Variants in OR13H1 observed in about 807,000 individuals in gnomAD.
The protein encoded by OR13H1 is olfactory receptor family 13 subfamily H member 1, also known as olfactory receptor 13H1.
OR13H1 carries 9 observed loss-of-function variants against 8.5 expected under a neutral mutation model. The observed-to-expected ratio is 1.06, with a 90% CI of 0.64 to 1.85. The LOEUF is 1.85. OR13H1 is among the 40% of genes most tolerant of loss of function. The pLI, the probability that OR13H1 is intolerant of heterozygous loss-of-function variation, is 0.00. For synonymous variants in OR13H1, 89 were observed against 90.6 expected (o/e 0.98, Z 0.10); for missense variants, 229 against 231.8 (o/e 0.99, Z 0.08).
rs1185841055 is a variant in OR13H1, at chrX:131,544,940, T to C, written c.867T>C (p.Tyr289=). 23 of 1,204,835 alleles carry C rather than the reference T, an allele frequency of 1.9e-5. No homozygotes were observed. Among genetic ancestry groups the C allele is most frequent in the South Asian group, 1.8e-5 (1 of 55,356 alleles). The stretch of plus-strand genomic sequence containing the variant: ...CACCCATGTTGAACCCCCTGATATA[T>C]AGCCTGAGAAAAAAAGATGTTAAAC... The part of the protein sequence containing the change: ...ALTPMLNPLI[Y]SLRKKDVKRA... Residue 289 remains tyrosine (Y), a synonymous_variant, in exon 1 of 1, where the codon TAT becomes TAC. Coordinates refer to ENST00000338616, the MANE Select transcript of OR13H1 (RefSeq NM_001004486.1).
rs752270483 is a variant in OR13H1 at position 131,544,268 on chromosome X, C to T, written c.195C>T (p.Asn65=). ...LHTPIYFFLS[N]LSFLDLCYGT... ...CTCCAATCTACTTCTTCCTTAGTAA[C>T]CTGTCTTTCTTAGACCTTTGTTATG... The change falls in exon 1 of 1, where the codon AAC becomes AAT. Residue 65 remains asparagine, a synonymous_variant. Coordinates refer to ENST00000338616, the MANE Select transcript of OR13H1 (RefSeq NM_001004486.1). 1 of 1,209,820 alleles carries T rather than the reference C, an allele frequency of 8.3e-7. No individual in the cohort carries two copies. The highest frequency in any genetic ancestry group is 1.1e-6 in the Non-Finnish European group (1 of 893,553).
Position 131,544,776 on chromosome X carries a change from A to G in OR13H1, c.703A>G (p.Lys235Glu), listed in dbSNP as rs769859253. 1.7e-6 allele frequency: 2 copies of G among 1,209,557 alleles called. No homozygotes were observed. The highest frequency in any genetic ancestry group is 3.5e-5 in the South Asian group (2 of 56,834). The change falls in exon 1 of 1, where the codon AAG (lysine) becomes GAG (glutamate). Residue 235 changes from lysine to glutamate, a missense_variant. Transcript: ENST00000338616. ...IRIRSLQGRLKAFTTCGSHLT... is the reference protein window; with the variant it reads ...IRIRSLQGRLEAFTTCGSHLT... ...GATTCGCTCACTCCAGGGCAGGCTC[A>G]AGGCCTTTACCACATGTGGCTCTCA...
chrX:131,544,375 CGAGT>C lies in OR13H1; in HGVS notation c.304_307del (p.Val103ProfsTer33). ...TCTTATCCCCGATGTTTGGCTCAAA[CGAGT>C]GTCTCCTTGGCTTTGGCCACAGCAG... is the stretch of plus-strand genomic sequence containing the variant. On this transcript the variant is annotated frameshift_variant, in exon 1 of 1. Transcript: ENST00000338616. LOFTEE classifies it high-confidence loss of function. 1.7e-6 allele frequency: 2 copies of C among 1,211,479 alleles called. No individual in the cohort carries two copies. The highest frequency in any genetic ancestry group is 1.1e-6 in the Non-Finnish European group (1 of 895,215).
At position 131,544,975 on chromosome X, in the gene OR13H1, G is replaced by T; in HGVS notation, c.902G>T (p.Arg301Met). 8.3e-7 allele frequency: 1 copy of T among 1,199,316 alleles called. No homozygotes were observed. Among genetic ancestry groups the T allele is most frequent in the East Asian group, 3.0e-5 (1 of 33,769 alleles). The change falls in exon 1 of 1, where the codon AGG (arginine) becomes ATG (methionine). Residue 301 changes from arginine to methionine, a missense_variant. By Grantham distance (91) the Arg-to-Met change is moderately conservative. Coordinates refer to ENST00000338616, the MANE Select transcript of OR13H1 (RefSeq NM_001004486.1). ...LRKKDVKRAIRKVMLKRT is the reference protein window; with the variant it reads ...LRKKDVKRAIMKVMLKRT ...AAAAAAGATGTTAAACGGGCAATAA[G>T]GAAAGTTATGTTGAAAAGGACATGA... is the stretch of plus-strand genomic sequence containing the variant.
rs1215995394 is a variant in OR13H1 at position 131,544,932 on chromosome X, CT to C, written c.860del (p.Leu287ArgfsTer5). ...AGCTTTGACACCCATGTTGAACCCC[CT>C]GATATATAGCCTGAGAAAAAAAGAT... ...YGALTPMLNP[L>X]IYSLRKKDVK... is the part of the protein sequence containing the mutation. On this transcript the variant is annotated frameshift_variant, in exon 1 of 1. Coordinates refer to ENST00000338616, the MANE Select transcript of OR13H1 (RefSeq NM_001004486.1). LOFTEE classifies it high-confidence loss of function. 4.1e-6 allele frequency: 5 copies of C among 1,207,920 alleles called. No homozygotes were observed. The Admixed American group carries it at 6.6e-5, about 16-fold the overall frequency.
In OR13H1 at chrX:131,544,305, A is replaced by G; in HGVS notation, c.232A>G (p.Met78Val). ...AGACCTTTGTTATGGAACAGCTTCC[A>G]TGCCCCAGGCTTTGGTGCATTGTTT... ...FLDLCYGTAS[M>V]PQALVHCFST... Residue 78 changes from methionine (M) to valine (V), a missense_variant, in exon 1 of 1, where the codon ATG becomes GTG. Physicochemically the swap from Met to Val is conservative, Grantham distance 21. Transcript: ENST00000338616. 9.1e-6 allele frequency: 11 copies of G among 1,210,214 alleles called. No individual in the cohort carries two copies. The highest frequency in any genetic ancestry group is 1.2e-5 in the Non-Finnish European group (11 of 894,131).
At position 131,544,586 on chromosome X, in the gene OR13H1, T is replaced by C. The variant is rs755201306; in HGVS notation, c.513T>C (p.Asn171=). Residue 171 remains asparagine (N), a synonymous_variant, in exon 1 of 1, where the codon AAT becomes AAC. Coordinates refer to ENST00000338616, the MANE Select transcript of OR13H1 (RefSeq NM_001004486.1). ...TGAGGCTTCACTTCTGTGGGGCTAA[T>C]GTCATCAACCATTTTGCCTGTGAGA... The part of the protein sequence containing the change: ...LSLRLHFCGA[N]VINHFACEIL... The C allele has an allele frequency of 3.3e-6, 4 of 1,209,308 alleles. No homozygotes were observed. Among genetic ancestry groups the C allele is most frequent in the Non-Finnish European group, 4.5e-6 (4 of 894,782 alleles).
At position 131,544,769 on chromosome X, in the gene OR13H1, C is replaced by T; in HGVS notation, c.696C>T (p.Gly232=). The part of the protein sequence containing the change: ...MAIIRIRSLQ[G]RLKAFTTCGS... Reference sequence around the variant, plus strand: ...TCATAAGGATTCGCTCACTCCAGGGCAGGCTCAAGGCCTTTACCACATGTG... The same window carrying T: ...TCATAAGGATTCGCTCACTCCAGGGTAGGCTCAAGGCCTTTACCACATGTG... Residue 232 remains glycine (G), a synonymous_variant, in exon 1 of 1, where the codon GGC becomes GGT. Transcript: ENST00000338616. 29 of 1,209,621 alleles carry T rather than the reference C, an allele frequency of 2.4e-5. No homozygotes were observed. Among genetic ancestry groups the T allele is most frequent in the Non-Finnish European group, 3.2e-5 (29 of 893,752 alleles).
In OR13H1 at chrX:131,544,701, T is replaced by C. The variant is rs1343643386; in HGVS notation, c.628T>C (p.Phe210Leu). 2 of 1,207,852 alleles carry C rather than the reference T, an allele frequency of 1.7e-6. No individual in the cohort carries two copies. Among genetic ancestry groups the C allele is most frequent in the Admixed American group, 4.4e-5 (2 of 45,676 alleles). Residue 210 changes from phenylalanine to leucine, a missense_variant, in exon 1 of 1, where the codon TTT (phenylalanine) becomes CTT (leucine). By Grantham distance (22) the Phe-to-Leu change is conservative. Transcript: ENST00000338616. ...ITSIFTLLLP[F>L]GFVLLSYIRI... is the part of the protein sequence containing the mutation. Reference sequence around the variant, plus strand: ...CAGTATCTTCACCCTGCTGCTACCATTTGGGTTTGTTCTCCTCTCCTACAT... The same window carrying C: ...CAGTATCTTCACCCTGCTGCTACCACTTGGGTTTGTTCTCCTCTCCTACAT...
chrX:131,544,738 TG>T lies in OR13H1; in HGVS notation c.667del (p.Ala223LeufsTer3), dbSNP rs1569442265. On this transcript the variant is annotated frameshift_variant, in exon 1 of 1. Coordinates refer to ENST00000338616, the MANE Select transcript of OR13H1 (RefSeq NM_001004486.1). LOFTEE classifies it high-confidence loss of function. The part of the protein sequence containing the change: ...FVLLSYIRIA[M>X]AIIRIRSLQG... Reference sequence around the variant, plus strand: ...CTCCTCTCCTACATACGAATTGCTATGGCTATCATAAGGATTCGCTCACTCC... The same window carrying T: ...CTCCTCTCCTACATACGAATTGCTATGCTATCATAAGGATTCGCTCACTCC... 2 of 1,211,173 alleles carry T rather than the reference TG, an allele frequency of 1.7e-6. No homozygotes were observed. Among genetic ancestry groups the T allele is most frequent in the South Asian group, 3.5e-5 (2 of 56,969 alleles).
rs57328754 is a variant in OR13H1 at position 131,544,966 on chromosome X, G to T, written c.893G>T (p.Arg298Leu). The T allele has an allele frequency of 8.3e-7, 1 of 1,201,768 alleles. No individual in the cohort carries two copies. ...IYSLRKKDVKRAIRKVMLKRT is the reference protein window; with the variant it reads ...IYSLRKKDVKLAIRKVMLKRT Reference sequence around the variant, plus strand: ...AGCCTGAGAAAAAAAGATGTTAAACGGGCAATAAGGAAAGTTATGTTGAAA... The same window carrying T: ...AGCCTGAGAAAAAAAGATGTTAAACTGGCAATAAGGAAAGTTATGTTGAAA... Residue 298 changes from arginine (R) to leucine (L), a missense_variant, in exon 1 of 1, where the codon CGG becomes CTG. Transcript: ENST00000338616.
Position 131,544,406 on chromosome X carries a change from G to C in OR13H1, c.333G>C (p.Glu111Asp), listed in dbSNP as rs777475669. The C allele has an allele frequency of 2.5e-6, 3 of 1,208,953 alleles. No homozygotes were observed. Among genetic ancestry groups the C allele is most frequent in the Non-Finnish European group, 3.4e-6 (3 of 894,478 alleles). The change falls in exon 1 of 1, where the codon GAG (glutamate) becomes GAC (aspartate). Residue 111 changes from glutamate (E) to aspartate (D), a missense_variant. Physicochemically the swap from Glu to Asp is conservative, Grantham distance 45. Transcript: ENST00000338616. ...TCTCCTTGGCTTTGGCCACAGCAGA[G>C]TGCCTCCTACTGGCTGCCATGGCCT... ...TSVSLALATAECLLLAAMAYD... is the reference protein window; with the variant it reads ...TSVSLALATADCLLLAAMAYD...
rs767453580 is a variant in OR13H1 at position 131,544,227 on chromosome X, G to C, written c.154G>C (p.Asp52His). The C allele has an allele frequency of 2.2e-5, 27 of 1,210,202 alleles. No individual in the cohort carries two copies. In the South Asian group the frequency reaches 3.9e-4, roughly 17 times the overall value. The change falls in exon 1 of 1, where the codon GAC becomes CAC. Residue 52 changes from aspartate to histidine, a missense_variant. Asp to His is a moderately conservative substitution (Grantham distance 81). Coordinates refer to ENST00000338616, the MANE Select transcript of OR13H1 (RefSeq NM_001004486.1). Reference protein sequence around the residue: ...NGFMIFLIHFDPNLHTPIYFF... With the variant: ...NGFMIFLIHFHPNLHTPIYFF... The stretch of plus-strand genomic sequence containing the variant: ...ATTTATGATCTTTCTTATTCACTTT[G>C]ACCCCAACCTCCACACTCCAATCTA...
At position 131,544,880 on chromosome X, in the gene OR13H1, G is replaced by C; in HGVS notation, c.807G>C (p.Gln269His). The C allele has an allele frequency of 1.7e-6, 2 of 1,208,953 alleles. No individual in the cohort carries two copies. Among genetic ancestry groups the C allele is most frequent in the South Asian group, 3.5e-5 (2 of 56,902 alleles). Residue 269 changes from glutamine (Q) to histidine (H), a missense_variant, in exon 1 of 1, where the codon CAG becomes CAC. Transcript: ENST00000338616. ...MKTQSKSYPD[Q>H]DKFISVFYGA... ...CTCAGTCCAAGTCCTACCCTGACCA[G>C]GACAAGTTTATCTCAGTGTTTTATG...
At position 131,544,136 on chromosome X, in the gene OR13H1, T is replaced by A; in HGVS notation, c.63T>A (p.Pro21=). ...TCCTTATTGGCATTTCTAACTATCC[T>A]CAATGGAGAGACACGTTTTTCACAT... The part of the protein sequence containing the change: ...QFLLIGISNY[P]QWRDTFFTLV... Residue 21 remains proline (P), a synonymous_variant, in exon 1 of 1, where the codon CCT becomes CCA. Transcript: ENST00000338616. 1 of 1,203,132 alleles carries A rather than the reference T, an allele frequency of 8.3e-7. No homozygotes were observed. Among genetic ancestry groups the A allele is most frequent in the African/African-American group, 1.7e-5 (1 of 57,692 alleles).
At position 131,544,596 on chromosome X, in the gene OR13H1, C is replaced by A. The variant is rs1928208109; in HGVS notation, c.523C>A (p.His175Asn). The change falls in exon 1 of 1, where the codon CAT becomes AAT. Residue 175 changes from histidine to asparagine, a missense_variant. Coordinates refer to ENST00000338616, the MANE Select transcript of OR13H1 (RefSeq NM_001004486.1). ...CTTCTGTGGGGCTAATGTCATCAAC[C>A]ATTTTGCCTGTGAGATTCTCTCCCT... is the stretch of plus-strand genomic sequence containing the variant. Reference protein sequence around the residue: ...LHFCGANVINHFACEILSLIK... With the variant: ...LHFCGANVINNFACEILSLIK... 2 of 1,210,861 alleles carry A rather than the reference C, an allele frequency of 1.7e-6. No individual in the cohort carries two copies. The highest frequency in any genetic ancestry group is 5.9e-5 in the East Asian group (2 of 33,834).
rs1331013456 is a variant in OR13H1, at chrX:131,544,757, C to T, written c.684C>T (p.Arg228=). Residue 228 remains arginine (R), a synonymous_variant, in exon 1 of 1, where the codon CGC becomes CGT. Transcript: ENST00000338616. ...TTGCTATGGCTATCATAAGGATTCG[C>T]TCACTCCAGGGCAGGCTCAAGGCCT... ...IRIAMAIIRI[R]SLQGRLKAFT... The T allele has an allele frequency of 1.7e-6, 2 of 1,210,234 alleles. No homozygotes were observed. Among genetic ancestry groups the T allele is most frequent in the African/African-American group, 3.5e-5 (2 of 57,737 alleles).
rs1360450855 is a variant in OR13H1, at chrX:131,544,078, C to T, written c.5C>T (p.Ala2Val). MAMDNVTAVFQF... is the reference protein window; with the variant it reads MVMDNVTAVFQF... The stretch of plus-strand genomic sequence containing the variant: ...GAATAGTGGCAAGAGGGAAAGATGG[C>T]CATGGACAATGTCACAGCAGTGTTT... Residue 2 changes from alanine to valine, a missense_variant, in exon 1 of 1, where the codon GCC becomes GTC. Transcript: ENST00000338616. 15 of 1,172,005 alleles carry T rather than the reference C, an allele frequency of 1.3e-5. No individual in the cohort carries two copies. The highest frequency in any genetic ancestry group is 1.8e-5 in the African/African-American group (1 of 56,417).
rs1179437567 is a variant in OR13H1 at position 131,544,838 on chromosome X, C to A, written c.765C>A (p.Ile255=). The A allele has an allele frequency of 8.3e-7, 1 of 1,211,056 alleles. No homozygotes were observed. Residue 255 remains isoleucine, a synonymous_variant, in exon 1 of 1, where the codon ATC becomes ATA. Coordinates refer to ENST00000338616, the MANE Select transcript of OR13H1 (RefSeq NM_001004486.1). ...TGACAATCTTCTATGGGTCAGCCAT[C>A]TCCATGTATATGAAAACTCAGTCCA... is the stretch of plus-strand genomic sequence containing the variant. ...TVVTIFYGSA[I]SMYMKTQSKS...
Sources: allele counts gnomAD v4.1 joint callset, GRCh38; gene constraint gnomAD v4.1.1; transcripts MANE v1.5; gene names NCBI Gene and HGNC (gene_info 2026-07-23, HGNC 2026-07-21).